The following ARSG variants were observed in gnomAD, a reference collection of about 807,000 sequenced individuals.
ARSG encodes the protein ASG.
In ARSG, 37 loss-of-function variants were observed where a neutral mutation model predicts 50.5. The observed-to-expected ratio is 0.73, with a 90% confidence interval of 0.56 to 0.96. ARSG has a LOEUF of 0.96. Among genes scored for constraint, ARSG ranks in the 50% least tolerant of loss-of-function variants. The probability of loss-of-function intolerance (pLI) is 0.00; values close to 1 mark genes in which losing one functional copy is unlikely to be tolerated. For missense variants in ARSG, 629 were observed against 675.3 expected (o/e 0.93, Z 0.76); for synonymous variants, 225 against 254.6 (o/e 0.88, Z 1.11).
intron 1 of ARSG, among the ~76,000 whole-genome samples, chr17:68,265,540 A>G (rs1555746188): frequency 6.6e-6 from 1 of 152,112 alleles, no homozygotes; most frequent in African/African-American, 2.4e-5. Flanking sequence ...GATCTTTCCT[A>G]TTTTGGGGCA....
chr17:68,421,554 A>T (rs1486944390), downstream of ARSG: 4 of 583,876 alleles, frequency 6.9e-6, no homozygotes, highest in Admixed American at 5.8e-5. Flanking sequence ...TATTTTAAAT[A>T]GCATGATGTG....
Position 68,367,782 on chromosome 17 carries a change from C to A in ARSG, c.705-766C>A, listed in dbSNP as rs1206272389. ...CAACCATTTATCTCTTAGAAAGGAA[C>A]AAGGCTGGCCAGGCACAGTGGCTCA... is the stretch of plus-strand genomic sequence containing the variant. On this transcript the variant is annotated intron_variant, in intron 6 of 11. Coordinates refer to ENST00000621439, the MANE Select transcript of ARSG (RefSeq NM_001267727.2). The surrounding 1 kb of genome is among the most constrained non-coding windows in gnomAD (Gnocchi z 4.5). Among the ~76,000 whole-genome samples, 4 of 152,072 alleles carry A rather than the reference C, an allele frequency of 2.6e-5. No homozygotes were observed. Among genetic ancestry groups the A allele is most frequent in the Non-Finnish European group, 5.9e-5 (4 of 67,990 alleles).
chr17:68,429,900 TTC>T, the ARSG span: 18 of 1,573,894 alleles, frequency 1.1e-5, no homozygotes, highest in Non-Finnish European at 1.5e-5. Context: ...GGGGCAAGTT[TTC>T]TTTTTTTCTT....
At chr17:68,377,847 C>A (rs974737240) in intron 8 of ARSG, among the ~76,000 whole-genome samples, 4 of 152,220 alleles carry the variant, frequency 2.6e-5, no homozygotes, top group African/African-American at 4.8e-5. Flanking sequence ...GGGGCAAGGC[C>A]TTCCCAGTAA....
At position 68,388,857 on chromosome 17, in the gene ARSG, G is replaced by A. The variant is rs187067490; in HGVS notation, c.1091+3685G>A. Among the ~76,000 whole-genome samples the A allele has an allele frequency of 2.8e-3, 422 of 150,832 alleles. 1 individual carries two copies. Among genetic ancestry groups the A allele is most frequent in the African/African-American group, 0.01 (412 of 40,728 alleles). ...GGAGAATTGCTTGAACCCAAGAGGC[G>A]GAGGTTGCTGTGAGCCGAGATCGCA... is the stretch of plus-strand genomic sequence containing the variant. On this transcript the variant is annotated intron_variant, in intron 9 of 11. Transcript: ENST00000621439.
rs73351327 is a variant in ARSG, at chr17:68,279,609, C to T, written c.-552+20183C>T. Among the ~76,000 whole-genome samples the T allele has an allele frequency of 3.5e-3, 526 of 152,272 alleles. 4 individuals carry two copies. The highest frequency in any genetic ancestry group is 0.012 in the African/African-American group (511 of 41,552). On this transcript the variant is annotated intron_variant, in intron 1 of 11. Coordinates refer to the ARSG transcript ENST00000448504. ...TGGACACCAGTTAACTGAGTTACCC[C>T]TAACCTCACTGTGCCTCTCCATTCA...
chr17:68,352,119 G>GGA lies in ARSG; in HGVS notation c.566+450_566+451dup, dbSNP rs149581343. 4.8e-4 allele frequency among the ~76,000 whole-genome samples: 35 copies of GGA among 73,064 alleles called. 4 individuals are homozygous for GGA. Among genetic ancestry groups the GGA allele is most frequent in the African/African-American group, 1.6e-3 (32 of 20,404 alleles). The allele number at this position is 73,064 out of a possible 152,430, so 47.9% of individuals were successfully genotyped here. A position where few individuals can be genotyped will look rare whatever the true frequency, so the allele number is the denominator to read the frequency against. ...AGAGAGAGAGAGAGAGAGAGACAGAGGAGAGAGAGAGAGAGAGACAGAGGA... is the reference window on the plus strand; with the variant it reads ...AGAGAGAGAGAGAGAGAGAGACAGAGGAGAGAGAGAGAGAGAGAGACAGAGGA... On this transcript the variant is annotated intron_variant, in intron 5 of 11. Coordinates refer to ENST00000621439, the MANE Select transcript of ARSG (RefSeq NM_001267727.2).
At chr17:68,359,119 G>C (rs1044388631) in intron 6 of ARSG, among the ~76,000 whole-genome samples, 6 of 149,904 alleles carry the variant, frequency 4.0e-5, no homozygotes, top group Non-Finnish European at 8.9e-5. Flanking sequence ...GCCGAGATCA[G>C]GCCACTGCAC....
chr17:68,333,643 TAATAATA>T (rs1329308154), intron 2 of ARSG, among the ~76,000 whole-genome samples: 3 of 126,682 alleles, frequency 2.4e-5, no homozygotes, highest in Non-Finnish European at 4.9e-5. Flanking sequence ...ATAATAATAA[TAATAATA>T]ATAATAATAA....
chr17:68,353,037 C>G (rs976577216), intron 5 of ARSG, among the ~76,000 whole-genome samples: 3 of 152,018 alleles, frequency 2.0e-5, no homozygotes, highest in African/African-American at 7.2e-5. Context: ...ATCTATAAAA[C>G]AATAGTTAAT....
chr17:68,376,041 C>T (rs894047664), intron 8 of ARSG, among the ~76,000 whole-genome samples: 3 of 152,088 alleles, frequency 2.0e-5, no homozygotes, highest in Non-Finnish European at 4.4e-5. Context: ...TGTTGTGCAA[C>T]GACCACATCT....
At chr17:68,309,174 G>A (rs1352852432) in intron 2 of ARSG, among the ~76,000 whole-genome samples, 7 of 152,360 alleles carry the variant, frequency 4.6e-5, no homozygotes, top group African/African-American at 4.8e-5. Context: ...CTCATTGCCC[G>A]GGGCCCGCAG....
intron 6 of ARSG, among the ~76,000 whole-genome samples, chr17:68,358,361 T>C (rs761095636): frequency 1.3e-5 from 2 of 152,034 alleles, no homozygotes; most frequent in East Asian, 1.9e-4. Flanking sequence ...CAGACTAGCC[T>C]GGACAACCTG....
chr17:68,283,426 C>T (rs1362894073), intron 1 of ARSG, among the ~76,000 whole-genome samples: 1 of 151,478 alleles, frequency 6.6e-6, no homozygotes, highest in African/African-American at 2.4e-5. Context: ...GAGGCTGAGG[C>T]AGGAGAATGG....
At position 68,331,206 on chromosome 17, in the gene ARSG, TTTC is replaced by T. The variant is rs1196559510; in HGVS notation, c.219-12395_219-12393del. Among the ~76,000 whole-genome samples, 15 of 36,184 alleles carry T rather than the reference TTTC, an allele frequency of 4.1e-4. No individual in the cohort carries two copies. The East Asian group carries it at 7.4e-3, about 18-fold the overall frequency. The allele number at this position is 36,184 out of a possible 152,430, so 23.7% of individuals were successfully genotyped here. ...CTTTCTTTCTTTCTTTCTTTCTTTC[TTTC>T]TTTCTTTCTTTCTTTCTTTCTTTGT... is the stretch of plus-strand genomic sequence containing the variant. On this transcript the variant is annotated intron_variant, in intron 2 of 11. Transcript: ENST00000621439.
intron 1 of ARSG, among the ~76,000 whole-genome samples, chr17:68,304,566 C>T (rs2076536683): frequency 6.6e-6 from 1 of 152,192 alleles, no homozygotes; most frequent in Admixed American, 6.6e-5. Flanking sequence ...ATTGGGTTGG[C>T]TTGCAAGGAT....
chr17:68,418,699 G>A (rs2082548447), intron 11 of ARSG, among the ~76,000 whole-genome samples: 1 of 152,186 alleles, frequency 6.6e-6, no homozygotes, highest in South Asian at 2.1e-4. Flanking sequence ...GAAGTCGTCA[G>A]TGGAACCATC....
chr17:68,417,049 G>C (rs2082416082), intron 11 of ARSG, among the ~76,000 whole-genome samples: 1 of 152,110 alleles, frequency 6.6e-6, no homozygotes. Context: ...AAAGAGCCTT[G>C]TTTTGTCATA....
At chr17:68,360,370 A>G (rs2079224807) in intron 6 of ARSG, among the ~76,000 whole-genome samples, 5 of 152,112 alleles carry the variant, frequency 3.3e-5, no homozygotes, top group Admixed American at 3.3e-4. Context: ...CCCCTGCCTC[A>G]AGCCCCTCCC....
Sources: gnomAD v4.1 joint callset for allele counts (sites outside exome capture counted in the v4.1 genomes callset) on GRCh38, gnomAD v4.1.1 for gene constraint, Gnocchi (gnomAD v3.1) non-coding constraint, MANE v1.5 for transcripts, NCBI Gene and HGNC (gene_info 2026-07-23, HGNC 2026-07-21) for gene names.